SNX5: variants seen among roughly 807,000 people sequenced by gnomAD.
The protein encoded by SNX5 is sorting nexin 5.
Under a neutral mutation model 53.9 loss-of-function variants are expected in SNX5, and 31 were observed. The ratio of observed to expected loss-of-function variants is 0.58; its 90% CI spans 0.43 to 0.78. SNX5 has a LOEUF of 0.78. SNX5 is among the 30% of genes least tolerant of loss of function. The probability of loss-of-function intolerance (pLI) is 0.00; values close to 1 mark genes in which losing one functional copy is unlikely to be tolerated. For missense variants in SNX5, 471 were observed against 478.8 expected (o/e 0.98, Z 0.15); for synonymous variants, 168 against 171.1 (o/e 0.98, Z 0.14).
At chr20:17,942,725 C>T (rs187353641) in intron 12 of SNX5, 5 of 405,006 alleles carry the variant, frequency 1.2e-5, no homozygotes, top group African/African-American at 1.0e-4. Flanking sequence ...GTGCGTTGTT[C>T]CATGAAGGCA....
At chr20:17,951,435 GA>G in intron 6 of SNX5, 64 bp downstream of exon 6, 1 of 915,526 alleles carries the variant, frequency 1.1e-6, no homozygotes, top group Non-Finnish European at 1.8e-6. Context: ...CTCTTTCAAA[GA>G]AACAAAAGGT....
rs1487772249 is a variant in SNX5 at position 17,942,293 on chromosome 20, T to C, written c.*64A>G. 5 of 1,023,570 alleles carry C rather than the reference T, an allele frequency of 4.9e-6. No homozygotes were observed. The highest frequency in any genetic ancestry group is 2.0e-4 in the Middle Eastern group (1 of 4,908). The allele number at this position is 1,023,570 out of a possible 1,614,324, so 63.4% of individuals were successfully genotyped here. On this transcript the variant is annotated 3_prime_UTR_variant, in exon 13 of 13. Transcript: ENST00000377759. ...GCTAATATATCTTCCGTGGTAATGA[T>C]TTAAGTGCAAGTGATGCTTGGCTTT...
intron 11 of SNX5, 86 bp downstream of exon 11, chr20:17,947,400 G>T: frequency 7.1e-7 from 1 of 1,416,500 alleles, no homozygotes; most frequent in Non-Finnish European, 9.7e-7. Flanking sequence ...AGGATACATG[G>T]GTGTTTTTTG....
At position 17,946,018 on chromosome 20, in the gene SNX5, G is replaced by T. The variant is rs114103308; in HGVS notation, c.1078+1468C>A. ...TTCTGGGTAATCCATTCCAACATTT[G>T]CTCTGACATGTTCCATGGCCCCTGA... On this transcript the variant is annotated intron_variant, in intron 11 of 12. Coordinates refer to ENST00000377759, the MANE Select transcript of SNX5 (RefSeq NM_014426.4). 3.9e-3 allele frequency among the ~76,000 whole-genome samples: 599 copies of T among 152,296 alleles called. 6 individuals are homozygous for T. The highest frequency in any genetic ancestry group is 0.014 in the African/African-American group (585 of 41,568).
intron 10 of SNX5, 94 bp from the exon 11 acceptor site, chr20:17,947,739 A>C: frequency 9.5e-7 from 1 of 1,057,008 alleles, no homozygotes; most frequent in Non-Finnish European, 1.3e-6. Context: ...TGTTAGTGGC[A>C]ATAATCTACC....
intron 1 of SNX5, chr20:17,967,820 T>A: frequency 2.7e-6 from 1 of 374,900 alleles, no homozygotes; most frequent in Non-Finnish European, 4.7e-6. Flanking sequence ...GTTCAGCAAG[T>A]ATTTGAGCAC....
rs1458410041 is a variant in SNX5, at chr20:17,968,659, G to A, written c.-234C>T. 3.7e-5 allele frequency: 22 copies of A among 601,950 alleles called. No homozygotes were observed. Among genetic ancestry groups the A allele is most frequent in the Admixed American group, 7.4e-5 (3 of 40,636 alleles). The allele number at this position is 601,950 out of a possible 1,614,324, so 37.3% of individuals were successfully genotyped here. ...GAGCAGCCTCCCAGTCCCCGCTGCC[G>A]TCCATCTTGGAGCCGGGCAAAGACG... is the stretch of plus-strand genomic sequence containing the variant. On this transcript the variant is annotated 5_prime_UTR_variant, in exon 1 of 13. In the 5' UTR this introduces an upstream ATG that the reference lacks. Transcript: ENST00000377759.
chr20:17,947,724 T>C (rs1164315087), intron 10 of SNX5, 79 bp from the exon 11 acceptor site: 19 of 1,248,974 alleles, frequency 1.5e-5, no homozygotes, highest in Admixed American at 2.7e-5. Flanking sequence ...ATGTACCACC[T>C]GAGATGTTAG....
In SNX5 at chr20:17,968,289, C is replaced by T. The variant is rs549103669; in HGVS notation, c.51+86G>A. 4.4e-6 allele frequency: 5 copies of T among 1,129,054 alleles called. No homozygotes were observed. The South Asian group carries it at 2.1e-4, about 47-fold the overall frequency. 69.9% of individuals were successfully genotyped at this position (1,129,054 alleles called of 1,614,324 possible). ...TGGGGATGGCGGCGAGCAGCCACGGCCTATGGACGCGCAAGGGAAAGAATG... is the reference window on the plus strand; with the variant it reads ...TGGGGATGGCGGCGAGCAGCCACGGTCTATGGACGCGCAAGGGAAAGAATG... On this transcript the variant is annotated intron_variant, in intron 1 of 12. Transcript: ENST00000377759.
intron 1 of SNX5, among the ~76,000 whole-genome samples, chr20:17,963,940 A>G (rs1235015409): frequency 6.6e-6 from 1 of 152,156 alleles, no homozygotes; most frequent in Non-Finnish European, 1.5e-5. Flanking sequence ...AAATTTCCCA[A>G]ATCATTCAGA....
chr20:17,957,539 T>C (rs944089051), intron 1 of SNX5, among the ~76,000 whole-genome samples: 1 of 152,220 alleles, frequency 6.6e-6, no homozygotes, highest in Non-Finnish European at 1.5e-5. Context: ...TTCACATGCA[T>C]TGGTATATCC....
intron 11 of SNX5, among the ~76,000 whole-genome samples, chr20:17,946,217 T>C (rs1172726876): frequency 1.3e-5 from 2 of 152,212 alleles, no homozygotes; most frequent in Non-Finnish European, 2.9e-5. Context: ...TGCATGTGTG[T>C]GCAACGGCAT....
chr20:17,950,208 C>T lies in SNX5; in HGVS notation c.716-1G>A. On this transcript the variant is annotated splice_acceptor_variant, in intron 7 of 12. Transcript: ENST00000377759. LOFTEE classifies it high-confidence loss of function. ...GTGTGGATATAGTCATCGGCAACAT[C>T]TGCAGAAACAAGGACAAGTCTTTTT... is the stretch of plus-strand genomic sequence containing the variant. 2 of 1,614,204 alleles carry T rather than the reference C, an allele frequency of 1.2e-6. No homozygotes were observed. Among genetic ancestry groups the T allele is most frequent in the South Asian group, 2.2e-5 (2 of 91,082 alleles).
chr20:17,943,857 T>C (rs561942925), intron 11 of SNX5: 2 of 152,368 alleles, frequency 1.3e-5, no homozygotes, highest in South Asian at 2.1e-4. Context: ...TCTGGGAATA[T>C]AAAAGGAACT....
chr20:17,959,240 C>T (rs2122402827), intron 1 of SNX5, among the ~76,000 whole-genome samples: 1 of 152,356 alleles, frequency 6.6e-6, no homozygotes, highest in Admixed American at 6.5e-5. Flanking sequence ...ACAGTTAAAG[C>T]TGCAATGGAT....
Position 17,955,413 on chromosome 20 carries a change from C to T in SNX5, c.219G>A (p.Val73=), listed in dbSNP as rs1229077765. The T allele has an allele frequency of 1.2e-6, 2 of 1,614,096 alleles. No homozygotes were observed. The highest frequency in any genetic ancestry group is 8.5e-7 in the Non-Finnish European group (1 of 1,179,966). Residue 73 remains valine, a synonymous_variant, in exon 3 of 13, where the codon GTG becomes GTA. Coordinates refer to ENST00000377759, the MANE Select transcript of SNX5 (RefSeq NM_014426.4). ...FSVTRQHEDF[V]WLHDTLIETT... is the part of the protein sequence containing the mutation. ...TTTCAATAAGAGTGTCATGTAGCCA[C>T]ACAAAGTCTTCATGTTGCCTTGTAA...
intron 1 of SNX5, chr20:17,961,767 GCC>G (rs2035454896): frequency 1.0e-6 from 1 of 985,204 alleles, no homozygotes; most frequent in African/African-American, 1.7e-5. Context: ...TCATTCCACT[GCC>G]TAAGAAACTA....
At chr20:17,952,809 TA>T in intron 4 of SNX5, 99 bp from the exon 5 acceptor site, 4 of 1,384,434 alleles carry the variant, frequency 2.9e-6, no homozygotes, top group Non-Finnish European at 3.9e-6. Context: ...TGCCACCACA[TA>T]AAACACTGCA....
chr20:17,956,300 A>G (rs560794186), intron 2 of SNX5, among the ~76,000 whole-genome samples: 17 of 152,344 alleles, frequency 1.1e-4, no homozygotes, highest in Admixed American at 3.3e-4. Context: ...TACCTCCGGA[A>G]TAACTGAAGT....
Sources: gnomAD v4.1 joint callset for allele counts (sites outside exome capture counted in the v4.1 genomes callset) on GRCh38, gnomAD v4.1.1 for gene constraint, MANE v1.5 for transcripts, NCBI Gene and HGNC (gene_info 2026-07-23, HGNC 2026-07-21) for gene names.